The following PDIA6 variants were observed in gnomAD, a reference collection of about 807,000 sequenced individuals.
PDIA6 encodes protein disulfide isomerase family A member 6, also known as protein disulfide-isomerase A6.
PDIA6 carries 29 observed loss-of-function variants against 58.4 expected under a neutral mutation model. The observed-to-expected ratio is 0.50, with a 90% CI of 0.37 to 0.68. The LOEUF is 0.68. Among genes scored for constraint, PDIA6 ranks in the 30% least tolerant of loss-of-function variants. PDIA6 has a pLI of 0.00. For missense variants in PDIA6, 480 were observed against 551.0 expected (o/e 0.87, Z 1.29); for synonymous variants, 192 against 202.6 (o/e 0.95, Z 0.44).
At chr2:10,796,254 C>T (rs907664105) in intron 4 of PDIA6, among the ~76,000 whole-genome samples, 1 of 152,134 alleles carries the variant, frequency 6.6e-6, no homozygotes, top group East Asian at 1.9e-4. Context: ...AGGGTTTCAC[C>T]GTGTTAGCCA....
intron 1 of PDIA6, chr2:10,810,300 GGGTAT>G (rs768792732): frequency 6.5e-7 from 1 of 1,534,732 alleles, no homozygotes. Flanking sequence ...GAGAATGCAG[GGGTAT>G]AATCCACAGA....
At chr2:10,815,893 A>G (rs1667177510), upstream of PDIA6, among the ~76,000 whole-genome samples, 1 of 151,886 alleles carries the variant, frequency 6.6e-6, no homozygotes, top group East Asian at 1.9e-4. Flanking sequence ...TACATTCACA[A>G]TGTTGTAGAA....
At chr2:10,811,603 A>G (rs1667000709) in intron 1 of PDIA6, among the ~76,000 whole-genome samples, 2 of 152,366 alleles carry the variant, frequency 1.3e-5, no homozygotes, top group South Asian at 4.1e-4. Flanking sequence ...GCACTGGCAC[A>G]GAGTGGTTAA....
At chr2:10,785,525 C>G (rs1407685535) in intron 11 of PDIA6, among the ~76,000 whole-genome samples, 3 of 151,896 alleles carry the variant, frequency 2.0e-5, no homozygotes, top group African/African-American at 7.3e-5. Context: ...GAAACCAGAG[C>G]CAGAAATACT....
chr2:10,786,010 A>G (rs1052136892), intron 11 of PDIA6, among the ~76,000 whole-genome samples: 1 of 148,952 alleles, frequency 6.7e-6, no homozygotes, highest in South Asian at 2.3e-4. Flanking sequence ...CACCGCACCC[A>G]GCCCCACAAA....
At chr2:10,812,937 T>G (rs1572693388), upstream of PDIA6, 1 of 200,192 alleles carries the variant, frequency 5.0e-6, no homozygotes, top group Non-Finnish European at 7.2e-6. Context: ...ACCGGTTTGG[T>G]TTTTTTTCAC....
chr2:10,784,257 C>G lies in PDIA6; in HGVS notation c.*1G>C. ...ATGGTCTGAAGCCTCTGTTGTGGCT[C>G]TCACAACTCATCTTTCCCTAAGTCA... On this transcript the variant is annotated 3_prime_UTR_variant, in exon 13 of 13. Transcript: ENST00000272227. 1 of 1,611,164 alleles carries G rather than the reference C, an allele frequency of 6.2e-7. No individual in the cohort carries two copies. Among genetic ancestry groups the G allele is most frequent in the South Asian group, 1.1e-5 (1 of 90,770 alleles).
chr2:10,798,170 G>A (rs947523599), intron 2 of PDIA6, among the ~76,000 whole-genome samples: 3 of 152,268 alleles, frequency 2.0e-5, no homozygotes, highest in African/African-American at 4.8e-5. Flanking sequence ...GGGCAACAGA[G>A]TGAGATTCTG....
intron 2 of PDIA6, among the ~76,000 whole-genome samples, chr2:10,817,789 C>T (rs1038769035): frequency 2.6e-5 from 4 of 152,218 alleles, no homozygotes; most frequent in African/African-American, 9.6e-5. Flanking sequence ...AGATCAGTGC[C>T]ACCCTCCAAC....
intron 11 of PDIA6, 134 bp downstream of exon 11, chr2:10,787,147 T>C (rs1311432667): frequency 1.8e-5 from 14 of 772,990 alleles, no homozygotes; most frequent in South Asian, 1.3e-4. Flanking sequence ...GTATAAACAT[T>C]CAATTCTCTG....
chr2:10,790,121 G>T (rs914762952), intron 7 of PDIA6, among the ~76,000 whole-genome samples: 6 of 151,962 alleles, frequency 3.9e-5, no homozygotes, highest in African/African-American at 1.5e-4. Context: ...TGGGACTGCA[G>T]GCACACACCA....
chr2:10,800,757 C>T (rs375603943), intron 2 of PDIA6, among the ~76,000 whole-genome samples: 23 of 151,996 alleles, frequency 1.5e-4, no homozygotes, highest in African/African-American at 4.6e-4. Flanking sequence ...CACGGCACCA[C>T]GTCTGGGTAA....
chr2:10,821,012 G>T (rs1007133640), intron 1 of PDIA6: 5 of 577,712 alleles, frequency 8.7e-6, no homozygotes, highest in South Asian at 2.1e-5. Flanking sequence ...CGAAGGGGAG[G>T]GGGGTGGATT....
chr2:10,831,989 C>T (rs1036530820), intron 1 of PDIA6, among the ~76,000 whole-genome samples: 6 of 120,656 alleles, frequency 5.0e-5, no homozygotes, highest in Non-Finnish European at 8.0e-5. Flanking sequence ...TGCACTCCAG[C>T]CTGGGTGACA....
chr2:10,788,855 T>C (rs949875172), intron 9 of PDIA6, 42 bp downstream of exon 9: 2 of 1,564,022 alleles, frequency 1.3e-6, no homozygotes, highest in African/African-American at 2.7e-5. Context: ...TCAGAGCATC[T>C]AGCATAGAAC....
intron 1 of PDIA6, chr2:10,819,385 A>G (rs1417804097): frequency 7.8e-6 from 10 of 1,286,574 alleles, no homozygotes; most frequent in Non-Finnish European, 1.1e-5. Flanking sequence ...GAGATGAGTG[A>G]GGTGGGGATG....
At chr2:10,807,984 T>C (rs1666832033) in intron 1 of PDIA6, among the ~76,000 whole-genome samples, 1 of 152,256 alleles carries the variant, frequency 6.6e-6, no homozygotes, top group Admixed American at 6.5e-5. Flanking sequence ...GCTGTCTTTT[T>C]AGTGCTCAAG....
intron 1 of PDIA6, chr2:10,823,024 G>A (rs944177724): frequency 3.3e-5 from 5 of 152,304 alleles, no homozygotes; most frequent in African/African-American, 7.2e-5. Context: ...CAGTGTCTTC[G>A]GGGTGGTTTG....
At chr2:10,800,886 T>C (rs997297111) in intron 2 of PDIA6, among the ~76,000 whole-genome samples, 16 of 152,346 alleles carry the variant, frequency 1.1e-4, no homozygotes, top group African/African-American at 3.4e-4. Flanking sequence ...GCTGAAATTA[T>C]AATCGTGAGC....
Sources: allele counts gnomAD v4.1 joint callset (sites outside exome capture counted in the v4.1 genomes callset), GRCh38; gene constraint gnomAD v4.1.1; transcripts MANE v1.5; gene names NCBI Gene and HGNC (gene_info 2026-07-23, HGNC 2026-07-21).